The following MITF variants were observed in gnomAD, a reference collection of about 807,000 sequenced individuals.
MITF encodes melanocyte inducing transcription factor, also known as microphthalmia-associated transcription factor.
In MITF, 17 loss-of-function variants were observed where a neutral mutation model predicts 60.5. That is an observed-to-expected ratio of 0.28 (90% CI 0.19 to 0.42). The LOEUF is 0.42. MITF is among the 10% of genes least tolerant of loss of function. The probability of loss-of-function intolerance (pLI) is 1.00; values close to 1 mark genes in which losing one functional copy is unlikely to be tolerated. For missense variants in MITF, 622 were observed against 683.5 expected, an observed-to-expected ratio of 0.91 and a Z score of 1.00; for synonymous variants, 260 against 248.5, an observed-to-expected ratio of 1.05 and a Z score of -0.43.
At chr3:69,932,933 T>C (rs1271993201) in intron 2 of MITF, among the ~76,000 whole-genome samples, 1 of 152,182 alleles carries the variant, frequency 6.6e-6, no homozygotes. Context: ...GGGTAATCCC[T>C]TTAGTTTTCT....
chr3:69,837,940 T>G (rs753023792), intron 1 of MITF, among the ~76,000 whole-genome samples: 13 of 152,348 alleles, frequency 8.5e-5, no homozygotes, highest in Non-Finnish European at 1.9e-4. Context: ...TGTGTATTTG[T>G]GTATACACAC....
At chr3:69,926,970 C>T (rs192492347) in intron 2 of MITF, among the ~76,000 whole-genome samples, 10 of 152,288 alleles carry the variant, frequency 6.6e-5, no homozygotes, top group African/African-American at 2.4e-4. Context: ...TTGTCCAGAT[C>T]TGTAGGCTTT....
chr3:69,776,912 C>T (rs997364865), intron 1 of MITF, among the ~76,000 whole-genome samples: 3 of 152,072 alleles, frequency 2.0e-5, no homozygotes, highest in East Asian at 1.9e-4. Flanking sequence ...AACTTATATT[C>T]GAAGTGAATT....
chr3:69,748,780 G>T (rs1703823817), intron 1 of MITF, among the ~76,000 whole-genome samples: 1 of 152,144 alleles, frequency 6.6e-6, no homozygotes, highest in African/African-American at 2.4e-5. Context: ...GTGATTAAGG[G>T]CATCATTGGA....
chr3:69,831,950 C>T (rs938047070), intron 1 of MITF, among the ~76,000 whole-genome samples: 2 of 152,136 alleles, frequency 1.3e-5, no homozygotes, highest in Non-Finnish European at 2.9e-5. Context: ...GCATGCTCAG[C>T]TTCCCTAGGT....
intron 2 of MITF, among the ~76,000 whole-genome samples, chr3:69,881,338 T>C (rs1228409527): frequency 1.3e-5 from 2 of 152,124 alleles, no homozygotes; most frequent in Non-Finnish European, 2.9e-5. Flanking sequence ...ATTTCAGTTA[T>C]ATAAACTAGT....
intron 1 of MITF, among the ~76,000 whole-genome samples, chr3:69,786,802 T>C (rs1214908995): frequency 6.6e-6 from 1 of 152,194 alleles, no homozygotes; most frequent in African/African-American, 2.4e-5. Flanking sequence ...TAAAAATCCA[T>C]TCAGTTGGAA....
In MITF at chr3:69,802,277, C is replaced by T. The variant is rs534517511; in HGVS notation, c.104+62576C>T. ...TCTGGAATGCATAGGACAGCCTCTG[C>T]AACAATGATCCAGCCCCAAATGTCA... On this transcript the variant is annotated intron_variant, in intron 1 of 9. Coordinates refer to ENST00000352241, the MANE Select transcript of MITF (RefSeq NM_001354604.2). Among the ~76,000 whole-genome samples, 3 of 152,228 alleles carry T rather than the reference C, an allele frequency of 2.0e-5. No individual in the cohort carries two copies. The East Asian group carries it at 5.8e-4, about 29-fold the overall frequency.
chr3:69,744,888 A>T (rs1300985263), intron 1 of MITF, among the ~76,000 whole-genome samples: 5 of 152,200 alleles, frequency 3.3e-5, no homozygotes, highest in African/African-American at 9.6e-5. Context: ...ATCCATAAAA[A>T]TTCGTGTTCA....
At chr3:69,950,857 C>T (rs958422930) in intron 6 of MITF, among the ~76,000 whole-genome samples, 1 of 151,890 alleles carries the variant, frequency 6.6e-6, no homozygotes, top group Non-Finnish European at 1.5e-5. Flanking sequence ...AATCTCTTAT[C>T]CCAGAGATGT....
In MITF at chr3:69,937,861, C is replaced by G. The variant is rs201297175; in HGVS notation, c.394C>G (p.Gln132Glu). ...CGAAAACCCCACCAAGTACCACATA[C>G]AGCAAGCCCAACGGCAGCAGGTAAA... is the stretch of plus-strand genomic sequence containing the variant. Reference protein sequence around the residue: ...HLENPTKYHIQQAQRQQVKQY... With the variant: ...HLENPTKYHIEQAQRQQVKQY... The change falls in exon 3 of 10, where the codon CAG becomes GAG. Residue 132 changes from glutamine (Q) to glutamate (E), a missense_variant. Coordinates refer to ENST00000352241, the MANE Select transcript of MITF (RefSeq NM_001354604.2). The G allele has an allele frequency of 1.2e-6, 2 of 1,614,112 alleles. No homozygotes were observed. Among genetic ancestry groups the G allele is most frequent in the Non-Finnish European group, 1.7e-6 (2 of 1,179,996 alleles).
chr3:69,918,510 C>G (rs1000246518), intron 2 of MITF, among the ~76,000 whole-genome samples: 3 of 152,172 alleles, frequency 2.0e-5, no homozygotes, highest in Non-Finnish European at 4.4e-5. Flanking sequence ...TTTGCCATAT[C>G]ACTGATAGCA....
chr3:69,937,776 C>A (rs1388828662), intron 2 of MITF, 46 bp from the exon 3 acceptor site: 2 of 1,542,862 alleles, frequency 1.3e-6, no homozygotes, highest in Non-Finnish European at 1.8e-6. Context: ...GTCTGAAACT[C>A]ACAAATAACA....
At chr3:69,830,164 G>A (rs542955687) in intron 1 of MITF, among the ~76,000 whole-genome samples, 4 of 152,092 alleles carry the variant, frequency 2.6e-5, no homozygotes. Context: ...CTTTCATCAG[G>A]TTCTATCGGT....
At chr3:69,943,072 CTT>C (rs781031439) in intron 5 of MITF, among the ~76,000 whole-genome samples, 22 of 124,888 alleles carry the variant, frequency 1.8e-4, no homozygotes, top group Admixed American at 3.3e-4. Flanking sequence ...TTAGCCTCCT[CTT>C]TTTTTTTTTT....
chr3:69,759,595 G>A (rs1345887327), intron 1 of MITF, among the ~76,000 whole-genome samples: 2 of 152,206 alleles, frequency 1.3e-5, no homozygotes, highest in Non-Finnish European at 2.9e-5. Context: ...TGAAAGTGGA[G>A]AATCCATGAA....
intron 8 of MITF, among the ~76,000 whole-genome samples, chr3:69,956,972 C>T (rs918011170): frequency 2.6e-5 from 4 of 152,126 alleles, no homozygotes; most frequent in African/African-American, 4.8e-5. Context: ...TGATACTCCA[C>T]AGACAAAAAG....
At chr3:69,752,023 T>G (rs1373940473) in intron 1 of MITF, 1 of 152,266 alleles carries the variant, frequency 6.6e-6, no homozygotes, top group Non-Finnish European at 1.5e-5. Flanking sequence ...CCCTTTTGCC[T>G]TCTGCCATGA....
chr3:69,897,366 A>G (rs1007596826), intron 2 of MITF, among the ~76,000 whole-genome samples: 2 of 152,194 alleles, frequency 1.3e-5, no homozygotes, highest in Admixed American at 6.5e-5. Context: ...AAGTATATGG[A>G]ACCTTGCCAG....
Sources: allele counts gnomAD v4.1 joint callset (sites outside exome capture counted in the v4.1 genomes callset), GRCh38; gene constraint gnomAD v4.1.1; transcripts MANE v1.5; gene names NCBI Gene and HGNC (gene_info 2026-07-23, HGNC 2026-07-21).